CPSF3: variants seen among roughly 807,000 people sequenced by gnomAD.
CPSF3 encodes the protein cleavage and polyadenylation specific factor 3.
In CPSF3, 57 loss-of-function variants were observed where a neutral mutation model predicts 84.1. The observed-to-expected ratio is 0.68, with a 90% CI of 0.55 to 0.85. The LOEUF is 0.85. Ranked by LOEUF, CPSF3 falls within the 40% of genes least tolerant of loss-of-function variation. The pLI is 0.00. For synonymous variants in CPSF3, 275 were observed against 278.1 expected, an observed-to-expected ratio of 0.99 and a Z score of 0.11; for missense variants, 522 against 838.8, an observed-to-expected ratio of 0.62 and a Z score of 4.66.
chr2:9,425,619 T>C (rs546618105), intron 1 of CPSF3, among the ~76,000 whole-genome samples: 1 of 152,252 alleles, frequency 6.6e-6, no homozygotes, highest in South Asian at 2.1e-4. Context: ...GAGGATGTTA[T>C]GATCAGATTC....
intron 15 of CPSF3, among the ~76,000 whole-genome samples, chr2:9,466,360 A>C (rs950268020): frequency 2.7e-4 from 40 of 145,706 alleles, no homozygotes; most frequent in East Asian, 3.9e-4. Context: ...GCGCACACAC[A>C]CACGCACACA....
Position 9,455,705 on chromosome 2 carries a change from T to G in CPSF3, c.1551T>G (p.Ile517Met), listed in dbSNP as rs779327916. 6.2e-7 allele frequency: 1 copy of G among 1,614,162 alleles called. No individual in the cohort carries two copies. Among genetic ancestry groups the G allele is most frequent in the Non-Finnish European group, 8.5e-7 (1 of 1,180,002 alleles). ...AMSTVKQTQA[I>M]PYTGPFNLLC... ...GCACGGTGAAGCAGACCCAAGCCATTCCATATACTGGTCCCTTTAATTTGC... is the reference window on the plus strand; with the variant it reads ...GCACGGTGAAGCAGACCCAAGCCATGCCATATACTGGTCCCTTTAATTTGC... Residue 517 changes from isoleucine to methionine, a missense_variant, in exon 13 of 18, where the codon ATT becomes ATG. Transcript: ENST00000238112.
At chr2:9,472,023 A>T (rs928180823) in intron 17 of CPSF3, among the ~76,000 whole-genome samples, 4 of 147,892 alleles carry the variant, frequency 2.7e-5, no homozygotes, top group African/African-American at 1.0e-4. Context: ...AAAAAAAAAA[A>T]GAACTAGAGG....
chr2:9,471,409 G>A lies in CPSF3; in HGVS notation c.1923G>A (p.Gly641=), dbSNP rs1012492544. The change falls in exon 17 of 18, where the codon GGG becomes GGA. Residue 641 remains glycine, a synonymous_variant. Coordinates refer to ENST00000238112, the MANE Select transcript of CPSF3 (RefSeq NM_016207.4). The part of the protein sequence containing the change: ...DDSILSVTVD[G]KTANLNLETR... ...CTATTCTTAGCGTCACAGTGGACGG[G>A]AAAACTGCCAACCTTAACTTGGAGA... 6.2e-7 allele frequency: 1 copy of A among 1,611,254 alleles called. No homozygotes were observed. The highest frequency in any genetic ancestry group is 1.3e-5 in the African/African-American group (1 of 74,848).
intron 11 of CPSF3, among the ~76,000 whole-genome samples, chr2:9,452,340 AAAAG>A: frequency 6.6e-6 from 1 of 151,614 alleles, no homozygotes; most frequent in African/African-American, 2.4e-5. Flanking sequence ...AAAAAAAAAA[AAAAG>A]AATAGTGGGT....
rs142559151 is a variant in CPSF3, at chr2:9,451,645, C to T, written c.1396-1268C>T. ...CAGGCATGGTGGCGCACATGGTGAG[C>T]GATGATCGCACCACTGCATTCCAGC... On this transcript the variant is annotated intron_variant, in intron 11 of 17. Transcript: ENST00000238112. Among the ~76,000 whole-genome samples the T allele has an allele frequency of 2.2e-3, 334 of 151,376 alleles. 1 individual carries two copies. Among genetic ancestry groups the T allele is most frequent in the African/African-American group, 7.4e-3 (306 of 41,192 alleles).
At chr2:9,440,810 G>A in intron 8 of CPSF3, 144 bp downstream of exon 8, 1 of 736,762 alleles carries the variant, frequency 1.4e-6, no homozygotes, top group Non-Finnish European at 2.2e-6. Context: ...GAACTCAGGA[G>A]TTTGAGACCG....
intron 5 of CPSF3, 57 bp from the exon 6 acceptor site, chr2:9,433,814 A>G (rs2148937189): frequency 1.7e-6 from 2 of 1,176,666 alleles, no homozygotes; most frequent in East Asian, 4.7e-5. Context: ...TAATCTATTC[A>G]CTAGCAAAAT....
At chr2:9,447,576 C>G (rs1231670052) in intron 10 of CPSF3, among the ~76,000 whole-genome samples, 2 of 151,978 alleles carry the variant, frequency 1.3e-5, no homozygotes, top group Non-Finnish European at 2.9e-5. Context: ...GAGTTCGAGA[C>G]CAGCCTGACC....
chr2:9,465,309 T>TA (rs1681862845), intron 15 of CPSF3, among the ~76,000 whole-genome samples: 1 of 152,158 alleles, frequency 6.6e-6, no homozygotes, highest in Admixed American at 6.6e-5. Flanking sequence ...CCAGGCACGG[T>TA]AGCACACACG....
chr2:9,454,976 CTG>C (rs1681473379), intron 12 of CPSF3, among the ~76,000 whole-genome samples: 1 of 152,126 alleles, frequency 6.6e-6, no homozygotes, highest in Admixed American at 6.5e-5. Context: ...TGAAGAGAAA[CTG>C]TGCACCTCAG....
At chr2:9,456,573 G>GAA (rs1681537736) in intron 13 of CPSF3, among the ~76,000 whole-genome samples, 2 of 152,216 alleles carry the variant, frequency 1.3e-5, no homozygotes, top group Non-Finnish European at 2.9e-5. Flanking sequence ...TGACGCTTAC[G>GAA]AAGACAGAAG....
At chr2:9,466,841 C>T (rs1681998602) in intron 15 of CPSF3, among the ~76,000 whole-genome samples, 1 of 152,118 alleles carries the variant, frequency 6.6e-6, no homozygotes, top group Admixed American at 6.5e-5. Context: ...TTGGTACTTC[C>T]TTCCTTTTTA....
Position 9,472,996 on chromosome 2 carries a change from G to C in CPSF3, c.2034G>C (p.Glu678Asp), listed in dbSNP as rs761872236. The change falls in exon 18 of 18, where the codon GAG becomes GAC. Residue 678 changes from glutamate to aspartate, a missense_variant. Coordinates refer to ENST00000238112, the MANE Select transcript of CPSF3 (RefSeq NM_016207.4). ...MVELAAQRLY[E>D]ALTPVH ...AGCTGGCTGCACAGAGACTGTACGA[G>C]GCCCTGACGCCAGTTCACTGAGACT... The C allele has an allele frequency of 1.2e-6, 2 of 1,613,442 alleles. No individual in the cohort carries two copies. Among genetic ancestry groups the C allele is most frequent in the Middle Eastern group, 3.3e-4 (2 of 6,062 alleles).
intron 15 of CPSF3, among the ~76,000 whole-genome samples, chr2:9,460,080 A>C (rs761968031): frequency 1.1e-4 from 17 of 152,204 alleles, no homozygotes; most frequent in Non-Finnish European, 2.4e-4. Context: ...GCATGTTGTT[A>C]GTATTTTGCT....
At chr2:9,448,381 C>A in intron 11 of CPSF3, 31 bp downstream of exon 11, 1 of 1,550,378 alleles carries the variant, frequency 6.5e-7, no homozygotes, top group Non-Finnish European at 8.7e-7. Context: ...TCTGTCCAAT[C>A]CATGTTTTTT....
chr2:9,436,570 A>C (rs1393362871), intron 7 of CPSF3, among the ~76,000 whole-genome samples: 1 of 151,860 alleles, frequency 6.6e-6, no homozygotes, highest in Non-Finnish European at 1.5e-5. Flanking sequence ...TCAGGAGTTC[A>C]AGACCAGCCT....
intron 16 of CPSF3, 27 bp from the exon 17 acceptor site, chr2:9,471,316 T>C: frequency 7.2e-7 from 1 of 1,387,272 alleles, no homozygotes; most frequent in Non-Finnish European, 1.0e-6. Context: ...GCATTTTCAC[T>C]AATCCTGCAT....
intron 1 of CPSF3, chr2:9,424,402 C>A: frequency 3.1e-6 from 1 of 326,456 alleles, no homozygotes; most frequent in Non-Finnish European, 4.4e-6. Context: ...GACAAAAACT[C>A]AGCCCTCGAC....
Sources: gnomAD v4.1 joint callset for allele counts (sites outside exome capture counted in the v4.1 genomes callset) on GRCh38, gnomAD v4.1.1 for gene constraint, MANE v1.5 for transcripts, NCBI Gene and HGNC (gene_info 2026-07-23, HGNC 2026-07-21) for gene names.